ZNF536: variants seen among roughly 807,000 people sequenced by gnomAD.
The protein encoded by ZNF536 is zinc finger protein 536.
ZNF536 carries 13 observed loss-of-function variants against 84.5 expected under a neutral mutation model. The ratio of observed to expected loss-of-function variants is 0.15; its 90% CI spans 0.10 to 0.24. ZNF536 has a LOEUF of 0.24. Among genes scored for constraint, ZNF536 ranks in the 10% least tolerant of loss-of-function variants. The pLI is 1.00. For synonymous variants in ZNF536, 811 were observed against 742.5 expected, an observed-to-expected ratio of 1.09 and a Z score of -1.50; for missense variants, 1,536 against 1,747.5, an observed-to-expected ratio of 0.88 and a Z score of 2.16.
At position 30,703,835 on chromosome 19, in the gene ZNF536, T is replaced by C. The variant is rs143060032; in HGVS notation, c.170-6922T>C. On this transcript the variant is annotated intron_variant, in intron 1 of 1. Transcript: ENST00000592773. ...TGATGCTCACAGCACTCCTGTGATA[T>C]AGTGTCAGTATTATTGCATCATTAT... Among the ~76,000 whole-genome samples, 298 of 152,304 alleles carry C rather than the reference T, an allele frequency of 2.0e-3. 2 individuals are homozygous for C. The highest frequency in any genetic ancestry group is 6.8e-3 in the African/African-American group (284 of 41,572).
chr19:30,536,349 C>T (rs555522256), intron 3 of ZNF536, among the ~76,000 whole-genome samples: 3 of 152,188 alleles, frequency 2.0e-5, no homozygotes, highest in South Asian at 2.1e-4. Context: ...GGGATCTATT[C>T]GGAGAGGCTG....
At chr19:30,414,441 TTCTC>T (rs978014001) in intron 1 of ZNF536, among the ~76,000 whole-genome samples, 2 of 152,228 alleles carry the variant, frequency 1.3e-5, no homozygotes, top group Non-Finnish European at 2.9e-5. Flanking sequence ...ATATGAAGTT[TTCTC>T]TCTTTTATTG....
chr19:30,568,734 A>G (rs1283695861), intron 1 of ZNF536, among the ~76,000 whole-genome samples: 1 of 152,212 alleles, frequency 6.6e-6, no homozygotes, highest in East Asian at 1.9e-4. Context: ...GGGGCAGCCG[A>G]GATGACAGGC....
At chr19:30,348,730 A>G (rs1218565554) in intron 2 of ZNF536, among the ~76,000 whole-genome samples, 1 of 152,136 alleles carries the variant, frequency 6.6e-6, no homozygotes, top group African/African-American at 2.4e-5. Flanking sequence ...GAGGCAATAC[A>G]AAAGTACCAA....
chr19:30,318,656 T>A (rs77900829), intron 2 of ZNF536, among the ~76,000 whole-genome samples: 3,659 of 152,326 alleles, frequency 0.024, 140 homozygotes, highest in African/African-American at 0.084. Context: ...TGCGCATGAG[T>A]CTGTGCATAC....
chr19:30,680,152 G>A (rs2147812508), intron 1 of ZNF536, among the ~76,000 whole-genome samples: 1 of 152,260 alleles, frequency 6.6e-6, no homozygotes, highest in Admixed American at 6.5e-5. Flanking sequence ...TCACACCGGG[G>A]ACAAGAAATG....
chr19:30,348,842 C>A (rs533342453), intron 2 of ZNF536, among the ~76,000 whole-genome samples: 1 of 149,038 alleles, frequency 6.7e-6, no homozygotes, highest in Admixed American at 6.8e-5. Context: ...TCACGTGATC[C>A]CTGAGAGGCC....
rs746996644 is a variant in ZNF536 at position 30,549,396 on chromosome 19, C to T, written c.3777C>T (p.Asp1259=). The change falls in exon 4 of 5, where the codon GAC becomes GAT. Residue 1259 remains aspartate, a synonymous_variant. Coordinates refer to ENST00000355537, the MANE Select transcript of ZNF536 (RefSeq NM_014717.3). ...PKPERGPQSL[D]KPMNMLSVLR... ...CGGAGCGGGGGCCCCAGAGCCTGGA[C>T]AAGCCGATGAACATGCTGTCGGTCC... The T allele has an allele frequency of 6.3e-7, 1 of 1,583,288 alleles. No individual in the cohort carries two copies.
intron 1 of ZNF536, among the ~76,000 whole-genome samples, chr19:30,563,453 C>A (rs1436518966): frequency 6.6e-6 from 1 of 152,156 alleles, no homozygotes; most frequent in Non-Finnish European, 1.5e-5. Flanking sequence ...CGTGGCCAAT[C>A]GGTGGCCCAG....
intron 2 of ZNF536, among the ~76,000 whole-genome samples, chr19:30,450,440 G>C (rs2052550164): frequency 6.6e-6 from 1 of 152,342 alleles, no homozygotes; most frequent in East Asian, 1.9e-4. Context: ...TCTTCCTCCT[G>C]TTCCAGTCCA....
chr19:30,550,488 C>T (rs2045731267), intron 4 of ZNF536, among the ~76,000 whole-genome samples: 1 of 151,868 alleles, frequency 6.6e-6, no homozygotes, highest in African/African-American at 2.4e-5. Context: ...AGACAAATGA[C>T]CATGATACAT....
chr19:30,576,541 G>A (rs963778713), intron 1 of ZNF536, among the ~76,000 whole-genome samples: 2 of 152,182 alleles, frequency 1.3e-5, no homozygotes, highest in African/African-American at 4.8e-5. Context: ...TCCAGAAGCT[G>A]CAGATAGGCT....
intron 1 of ZNF536, among the ~76,000 whole-genome samples, chr19:30,638,327 T>C (rs760520367): frequency 2.6e-5 from 4 of 152,190 alleles, no homozygotes; most frequent in Non-Finnish European, 5.9e-5. Flanking sequence ...GGGTAATTTA[T>C]AATGAAAAGA....
intron 2 of ZNF536, among the ~76,000 whole-genome samples, chr19:30,451,098 A>G (rs768760438): frequency 5.3e-5 from 8 of 152,232 alleles, no homozygotes; most frequent in Admixed American, 1.3e-4. Flanking sequence ...CTGAGAGCCG[A>G]GAGCTGAGGT....
chr19:30,375,826 A>G (rs757451754), intron 1 of ZNF536, among the ~76,000 whole-genome samples: 6 of 152,054 alleles, frequency 3.9e-5, no homozygotes, highest in Non-Finnish European at 8.8e-5. Context: ...GAGTACCCGT[A>G]TGTGGGTGCT....
At chr19:30,474,313 TTCTCTCTC>T (rs66795970) in intron 2 of ZNF536, among the ~76,000 whole-genome samples, 4 of 149,946 alleles carry the variant, frequency 2.7e-5, no homozygotes, top group Non-Finnish European at 5.9e-5. Flanking sequence ...TAAACCCTCT[TTCTCTCTC>T]TCTCTCTCTC....
intron 1 of ZNF536, among the ~76,000 whole-genome samples, chr19:30,673,590 A>G (rs1473069135): frequency 2.0e-5 from 3 of 152,108 alleles, no homozygotes; most frequent in African/African-American, 7.2e-5. Context: ...GCAATAGTAA[A>G]AGAGTCAAGC....
intron 2 of ZNF536, among the ~76,000 whole-genome samples, chr19:30,461,998 T>C (rs573210505): frequency 1.3e-4 from 20 of 151,940 alleles, no homozygotes; most frequent in Non-Finnish European, 2.4e-4. Context: ...AAGAAGGAGA[T>C]CTCTAATCCT....
At chr19:30,608,608 A>G (rs1251188749) in intron 1 of ZNF536, among the ~76,000 whole-genome samples, 6 of 152,184 alleles carry the variant, frequency 3.9e-5, no homozygotes, top group Non-Finnish European at 7.3e-5. Context: ...ATGGCTATAG[A>G]AGACACTGGT....
Sources: allele counts gnomAD v4.1 joint callset (sites outside exome capture counted in the v4.1 genomes callset), GRCh38; gene constraint gnomAD v4.1.1; transcripts MANE v1.5; gene names NCBI Gene and HGNC (gene_info 2026-07-23, HGNC 2026-07-21).